The following USP24 variants were observed in gnomAD, a reference collection of about 807,000 sequenced individuals.
The protein encoded by USP24 is ubiquitin carboxyl-terminal hydrolase 24.
Under a neutral mutation model 361.6 loss-of-function variants are expected in USP24, and 97 were observed. The ratio of observed to expected loss-of-function variants is 0.27; its 90% confidence interval spans 0.23 to 0.32. The LOEUF (loss-of-function observed/expected upper bound fraction) is 0.32, where lower values mean the gene tolerates loss of function less well. USP24 is among the 10% of genes least tolerant of loss of function. USP24 has a pLI of 1.00. For missense variants in USP24, 2,353 were observed against 3,165.6 expected, an observed-to-expected ratio of 0.74 and a Z score of 6.16; for synonymous variants, 1,098 against 1,124.6, an observed-to-expected ratio of 0.98 and a Z score of 0.47.
At chr1:55,197,930 G>T (rs1644463274) in intron 1 of USP24, among the ~76,000 whole-genome samples, 1 of 152,116 alleles carries the variant, frequency 6.6e-6, no homozygotes, top group African/African-American at 2.4e-5. Context: ...AATGCTATTT[G>T]CTTTGTTCAT....
At chr1:55,156,377 G>C (rs1471182819) in intron 12 of USP24, among the ~76,000 whole-genome samples, 1 of 151,346 alleles carries the variant, frequency 6.6e-6, no homozygotes, top group South Asian at 2.1e-4. Context: ...TAAGAACTAA[G>C]GCTTGAAAAA....
intron 28 of USP24, among the ~76,000 whole-genome samples, chr1:55,136,944 G>A (rs1419024057): frequency 6.6e-6 from 1 of 152,182 alleles, no homozygotes; most frequent in African/African-American, 2.4e-5. Context: ...GAGACTGGAT[G>A]AGATTTTTAA....
chr1:55,190,922 T>G (rs1252430408), intron 1 of USP24, among the ~76,000 whole-genome samples: 3 of 152,210 alleles, frequency 2.0e-5, no homozygotes, highest in Non-Finnish European at 2.9e-5. Context: ...TAATAAAACT[T>G]CAACATTTTT....
intron 5 of USP24, among the ~76,000 whole-genome samples, chr1:55,170,700 T>C (rs936388377): frequency 1.3e-5 from 2 of 152,210 alleles, no homozygotes; most frequent in African/African-American, 4.8e-5. Flanking sequence ...TGGGGAACTG[T>C]CTGACTCCTC....
chr1:55,162,362 A>C, intron 7 of USP24, 98 bp from the exon 8 acceptor site: 1 of 1,063,428 alleles, frequency 9.4e-7, no homozygotes, highest in Non-Finnish European at 1.3e-6. Flanking sequence ...AAAAGTTTAA[A>C]TAGTGAGTTG....
At position 55,164,856 on chromosome 1, in the gene USP24, T is replaced by C. The variant is rs139401680; in HGVS notation, c.927+1029A>G. ...GAGGTTTTTCTTTGGTTTTGCTTTTTAAATTGTTATATATTATCTTCCAAC... is the reference window on the plus strand; with the variant it reads ...GAGGTTTTTCTTTGGTTTTGCTTTTCAAATTGTTATATATTATCTTCCAAC... On this transcript the variant is annotated intron_variant, in intron 7 of 67. Transcript: ENST00000294383. Among the ~76,000 whole-genome samples, 179 of 152,146 alleles carry C rather than the reference T, an allele frequency of 1.2e-3. 1 individual carries two copies. Among genetic ancestry groups the C allele is most frequent in the African/African-American group, 4.2e-3 (174 of 41,566 alleles).
At chr1:55,073,714 C>T (rs1644965458) in intron 64 of USP24, 114 bp downstream of exon 64, 4 of 991,030 alleles carry the variant, frequency 4.0e-6, no homozygotes, top group Non-Finnish European at 4.7e-6. Context: ...GCAAGCAGGC[C>T]CTGACTGAGT....
At chr1:55,075,282 C>A (rs1021590391) in intron 63 of USP24, among the ~76,000 whole-genome samples, 175 bp downstream of exon 63, 111 of 151,906 alleles carry the variant, frequency 7.3e-4, no homozygotes, top group African/African-American at 2.7e-3. Flanking sequence ...GTGAGAAGAT[C>A]CCTGGGTTTT....
At position 55,172,358 on chromosome 1, in the gene USP24, A is replaced by C; in HGVS notation, c.702+19T>G. The C allele has an allele frequency of 1.3e-6, 2 of 1,570,626 alleles. No individual in the cohort carries two copies. Among genetic ancestry groups the C allele is most frequent in the South Asian group, 1.2e-5 (1 of 82,048 alleles). On this transcript the variant is annotated intron_variant, in intron 4 of 67. Transcript: ENST00000294383. ...AACAAAATCAAAACACAAAGTACTT[A>C]ATTTTAGAGATACTATACCATTGTA...
Position 55,066,971 on chromosome 1 carries a change from A to C in USP24, c.*2074T>G, listed in dbSNP as rs1174205209. The C allele has an allele frequency of 1.3e-5, 2 of 152,234 alleles. No homozygotes were observed. Among genetic ancestry groups the C allele is most frequent in the Admixed American group, 1.3e-4 (2 of 15,284 alleles). The allele number at this position is 152,234 out of a possible 1,614,324, so 9.4% of individuals were successfully genotyped here. ...CATTGACTGTAGCTGTCAGCAATCAAGTGGTTACCAGCAAAGTGAAAACGA... is the reference window on the plus strand; with the variant it reads ...CATTGACTGTAGCTGTCAGCAATCACGTGGTTACCAGCAAAGTGAAAACGA... On this transcript the variant is annotated 3_prime_UTR_variant, in exon 68 of 68. Coordinates refer to ENST00000294383, the MANE Select transcript of USP24 (RefSeq NM_015306.3).
chr1:55,144,585 A>G (rs754902178), intron 20 of USP24, among the ~76,000 whole-genome samples: 6 of 152,226 alleles, frequency 3.9e-5, no homozygotes, highest in Non-Finnish European at 7.3e-5. Flanking sequence ...AATGGCCAAT[A>G]AGCACATATA....
intron 38 of USP24, among the ~76,000 whole-genome samples, chr1:55,119,845 CTTTTA>C (rs1162471780): frequency 3.3e-5 from 5 of 151,964 alleles, no homozygotes; most frequent in Admixed American, 6.6e-5. Flanking sequence ...ATTTATCAGT[CTTTTA>C]TTTAATGACT....
intron 38 of USP24, among the ~76,000 whole-genome samples, chr1:55,119,382 A>G (rs990253999): frequency 6.6e-6 from 1 of 152,184 alleles, no homozygotes; most frequent in South Asian, 2.1e-4. Context: ...CCTTAGAGAC[A>G]GAAAGTAGAA....
chr1:55,192,079 A>C (rs1644304133), intron 1 of USP24, among the ~76,000 whole-genome samples: 2 of 152,224 alleles, frequency 1.3e-5, no homozygotes, highest in African/African-American at 4.8e-5. Context: ...CATGCACACA[A>C]AATCTACCTA....
chr1:55,201,852 C>G (rs1034016026), intron 1 of USP24, among the ~76,000 whole-genome samples: 1 of 152,108 alleles, frequency 6.6e-6, no homozygotes, highest in Admixed American at 6.5e-5. Flanking sequence ...TTCGGAGTCT[C>G]TTGGGACTTG....
At chr1:55,127,608 G>T (rs1646471479) in intron 32 of USP24, among the ~76,000 whole-genome samples, 1 of 152,116 alleles carries the variant, frequency 6.6e-6, no homozygotes, top group African/African-American at 2.4e-5. Context: ...GGGTCAAATG[G>T]TATTTCTAGT....
intron 1 of USP24, among the ~76,000 whole-genome samples, chr1:55,198,629 C>T (rs772708104): frequency 1.5e-4 from 23 of 152,114 alleles, no homozygotes; most frequent in African/African-American, 3.4e-4. Flanking sequence ...GTAATGCCTC[C>T]GGGGTGGGAT....
At chr1:55,142,117 G>T (rs557323266) in intron 23 of USP24, among the ~76,000 whole-genome samples, 1 of 152,246 alleles carries the variant, frequency 6.6e-6, no homozygotes, top group Non-Finnish European at 1.5e-5. Flanking sequence ...TCACCAGAAA[G>T]CTTAACTTAT....
chr1:55,183,772 A>AGG (rs1644044911), intron 1 of USP24, among the ~76,000 whole-genome samples: 1 of 152,230 alleles, frequency 6.6e-6, no homozygotes, highest in Non-Finnish European at 1.5e-5. Context: ...AACACAATTT[A>AGG]GACAAAGATA....
Sources: allele counts gnomAD v4.1 joint callset (sites outside exome capture counted in the v4.1 genomes callset), GRCh38; gene constraint gnomAD v4.1.1; transcripts MANE v1.5; gene names NCBI Gene and HGNC (gene_info 2026-07-23, HGNC 2026-07-21).